The following SLC2A9 variants were observed in gnomAD, a reference collection of about 807,000 sequenced individuals.
The protein encoded by SLC2A9 is solute carrier family 2 member 9.
Under a neutral mutation model 50.6 loss-of-function variants are expected in SLC2A9, and 39 were observed. The observed-to-expected ratio is 0.77, with a 90% CI of 0.60 to 1.01. SLC2A9 has a LOEUF of 1.01. Among genes scored for constraint, SLC2A9 ranks in the 50% least tolerant of loss-of-function variants. The pLI, the probability that SLC2A9 is intolerant of heterozygous loss-of-function variation, is 0.00. For synonymous variants in SLC2A9, 324 were observed against 276.9 expected (o/e 1.17, Z -1.69); for missense variants, 686 against 677.6 (o/e 1.01, Z -0.14).
chr4:9,848,856 T>C (rs6828040), intron 10 of SLC2A9, among the ~76,000 whole-genome samples: 71,649 of 151,860 alleles, frequency 0.47, 19,274 homozygotes, highest in African/African-American at 0.74. Flanking sequence ...AGGCACCCGC[T>C]ACCACGCCCG....
rs148640124 is a variant in SLC2A9 at position 9,925,553 on chromosome 4, T to A, written c.815-4981A>T. 2.6e-5 allele frequency among the ~76,000 whole-genome samples: 4 copies of A among 152,346 alleles called. No homozygotes were observed. The East Asian group carries it at 5.8e-4, about 22-fold the overall frequency. On this transcript the variant is annotated intron_variant, in intron 6 of 11. Coordinates refer to ENST00000264784, the MANE Select transcript of SLC2A9 (RefSeq NM_020041.3). ...CCTATTCTGCCCGCCCCATGCTTGT[T>A]CTTCCATGAAACAGAAATAATAAAA...
At chr4:9,811,542 C>T (rs1722893707) in intron 3 of SLC2A9, among the ~76,000 whole-genome samples, 1 of 152,146 alleles carries the variant, frequency 6.6e-6, no homozygotes. Context: ...CCATTCTAGC[C>T]ATCCCAGTTG....
chr4:9,976,298 C>A (rs187288283), intron 5 of SLC2A9, among the ~76,000 whole-genome samples: 1 of 152,218 alleles, frequency 6.6e-6, no homozygotes, highest in Non-Finnish European at 1.5e-5. Context: ...TCTTGCTAAC[C>A]CTCCTTCACC....
chr4:9,899,974 C>T (rs950688562), intron 8 of SLC2A9, among the ~76,000 whole-genome samples: 1 of 152,128 alleles, frequency 6.6e-6, no homozygotes, highest in South Asian at 2.1e-4. Flanking sequence ...CCCTCATGCT[C>T]TTACTCTTCT....
intron 10 of SLC2A9, chr4:9,879,113 C>T (rs1734770978): frequency 8.1e-6 from 8 of 983,492 alleles, no homozygotes; most frequent in Non-Finnish European, 9.6e-6. Flanking sequence ...GTCTTTGAAG[C>T]AGTCCCTGAT....
chr4:9,913,943 G>C (rs1742377522), intron 7 of SLC2A9, among the ~76,000 whole-genome samples: 1 of 152,160 alleles, frequency 6.6e-6, no homozygotes, highest in African/African-American at 2.4e-5. Context: ...GAGAAGAAGG[G>C]GGCTTATCTA....
intron 2 of SLC2A9, among the ~76,000 whole-genome samples, chr4:10,008,420 C>T (rs567682877): frequency 6.6e-6 from 1 of 152,308 alleles, no homozygotes; most frequent in East Asian, 1.9e-4. Context: ...CAAACAATGA[C>T]TCACAGATCC....
chr4:9,929,134 C>T (rs1367121855), intron 6 of SLC2A9, among the ~76,000 whole-genome samples: 1 of 152,210 alleles, frequency 6.6e-6, no homozygotes, highest in African/African-American at 2.4e-5. Context: ...CTAAGGGTTC[C>T]CTTGTGTTTT....
chr4:9,777,915 A>G (rs1464733860), downstream of SLC2A9, among the ~76,000 whole-genome samples: 7 of 152,180 alleles, frequency 4.6e-5, no homozygotes, highest in Non-Finnish European at 7.3e-5. Flanking sequence ...AGGTTCAAAC[A>G]TTGCTAAGTG....
chr4:9,993,815 G>A (rs956464590), intron 3 of SLC2A9, among the ~76,000 whole-genome samples: 14 of 152,120 alleles, frequency 9.2e-5, no homozygotes, highest in African/African-American at 3.1e-4. Context: ...TGAGGCCCAG[G>A]TCATGTGGTA....
chr4:9,791,121 G>A (rs1449614117), intron 3 of SLC2A9, among the ~76,000 whole-genome samples: 3 of 152,154 alleles, frequency 2.0e-5, no homozygotes, highest in African/African-American at 7.2e-5. Flanking sequence ...AAATAATTCA[G>A]TGGGCCAAGC....
chr4:9,950,758 T>C (rs1750080621), intron 5 of SLC2A9, among the ~76,000 whole-genome samples: 1 of 32,412 alleles, frequency 3.1e-5, no homozygotes, highest in East Asian at 9.3e-4. Context: ...CCGGGCGTGG[T>C]AGCGGGCGCC....
downstream of SLC2A9, among the ~76,000 whole-genome samples, chr4:9,775,342 C>T (rs55723889): frequency 0.12 from 17,852 of 152,026 alleles, 1,076 homozygotes; most frequent in East Asian, 0.15. Flanking sequence ...AGCCTCAGCC[C>T]CCATGCAGCA....
At chr4:10,018,862 G>A (rs1763104798) in intron 2 of SLC2A9, 113 bp downstream of exon 2, 1 of 1,005,430 alleles carries the variant, frequency 9.9e-7, no homozygotes, top group South Asian at 1.5e-5. Context: ...TGTCCCCGCG[G>A]TGTCCCGCGC....
intron 2 of SLC2A9, among the ~76,000 whole-genome samples, chr4:10,008,292 C>CA (rs753625172): frequency 6.6e-6 from 1 of 152,154 alleles, no homozygotes; most frequent in East Asian, 1.9e-4. Context: ...GGGCATGGTG[C>CA]GGGGGGAGTT....
chr4:10,038,793 C>G (rs1038732070), intron 1 of SLC2A9, among the ~76,000 whole-genome samples: 2 of 152,174 alleles, frequency 1.3e-5, no homozygotes, highest in Non-Finnish European at 2.9e-5. Context: ...GAACTTGATT[C>G]TTAGGCATGG....
chr4:9,869,351 AGTTC>A (rs1733019938), intron 10 of SLC2A9, among the ~76,000 whole-genome samples: 1 of 152,194 alleles, frequency 6.6e-6, no homozygotes, highest in African/African-American at 2.4e-5. Context: ...GCTTCAGGGC[AGTTC>A]TACACATTAA....
intron 3 of SLC2A9, among the ~76,000 whole-genome samples, chr4:9,791,181 G>A (rs1719871980): frequency 6.6e-6 from 1 of 152,082 alleles, no homozygotes; most frequent in Non-Finnish European, 1.5e-5. Context: ...TGGCAAAATG[G>A]GAATGCAAAA....
intron 3 of SLC2A9, among the ~76,000 whole-genome samples, chr4:9,802,958 A>G (rs1029624623): frequency 6.6e-6 from 1 of 152,210 alleles, no homozygotes; most frequent in African/African-American, 2.4e-5. Flanking sequence ...TAACTTCCCC[A>G]GAATACTTTG....
Sources: gnomAD v4.1 joint callset for allele counts (sites outside exome capture counted in the v4.1 genomes callset) on GRCh38, gnomAD v4.1.1 for gene constraint, MANE v1.5 for transcripts, NCBI Gene and HGNC (gene_info 2026-07-23, HGNC 2026-07-21) for gene names.